PLA2G2F: variants seen among roughly 807,000 people sequenced by gnomAD.
PLA2G2F encodes phospholipase A2 group IIF.
Under a neutral mutation model 15.9 loss-of-function variants are expected in PLA2G2F, and 17 were observed. The observed-to-expected ratio is 1.07, with a 90% CI of 0.73 to 1.60. The LOEUF (loss-of-function observed/expected upper bound fraction) is 1.60, where lower values mean the gene tolerates loss of function less well. PLA2G2F is among the 40% of genes most tolerant of loss of function. PLA2G2F has a pLI of 0.00. For missense variants in PLA2G2F, 299 were observed against 278.2 expected, an observed-to-expected ratio of 1.07 and a Z score of -0.53; for synonymous variants, 119 against 106.5, an observed-to-expected ratio of 1.12 and a Z score of -0.72.
Position 20,144,632 on chromosome 1 carries a change from C to A in PLA2G2F, c.367C>A (p.His123Asn), listed in dbSNP as rs2017547075. The A allele has an allele frequency of 6.2e-7, 1 of 1,612,584 alleles. No homozygotes were observed. ...CYQELFDQGC[H>N]PYVDHYDHTI... ...CCAGGAACTCTTTGACCAAGGCTGT[C>A]ACCCCTATGTGGACCACTATGATCA... Residue 123 changes from histidine (H) to asparagine (N), a missense_variant, in exon 4 of 5, where the codon CAC (histidine) becomes AAC (asparagine). Coordinates refer to ENST00000375102, the MANE Select transcript of PLA2G2F (RefSeq NM_022819.4).
At chr1:20,143,650 C>G in intron 3 of PLA2G2F, 60 bp downstream of exon 3, 6 of 1,581,110 alleles carry the variant, frequency 3.8e-6, no homozygotes, top group South Asian at 3.4e-5. Context: ...GAAGGTCAGA[C>G]TGACCTTGCC....
At chr1:20,143,889 C>G in intron 3 of PLA2G2F, 1 of 297,464 alleles carries the variant, frequency 3.4e-6, no homozygotes, top group Non-Finnish European at 6.3e-6. Flanking sequence ...ACACAGCTGA[C>G]ACCCCACAAA....
rs1291539817 is a variant in PLA2G2F at position 20,149,504 on chromosome 1, A to G, written c.*1103A>G. ...AGTGAAGAGGGAAACGTAAGCAGGGAGAGCATCAAGGCGGGAGGCAGCCTG... is the reference window on the plus strand; with the variant it reads ...AGTGAAGAGGGAAACGTAAGCAGGGGGAGCATCAAGGCGGGAGGCAGCCTG... On this transcript the variant is annotated 3_prime_UTR_variant, in exon 5 of 5. Transcript: ENST00000375102. 1 of 152,708 alleles carries G rather than the reference A, an allele frequency of 6.5e-6. No individual in the cohort carries two copies. The highest frequency in any genetic ancestry group is 1.5e-5 in the Non-Finnish European group (1 of 68,406). The allele number at this position is 152,708 out of a possible 1,614,324, so 9.5% of individuals were successfully genotyped here. A position where few individuals can be genotyped will look rare whatever the true frequency, so the allele number is the denominator to read the frequency against.
intron 1 of PLA2G2F, 143 bp downstream of exon 1, chr1:20,139,686 G>A (rs1569890796): frequency 1.5e-6 from 1 of 652,076 alleles, no homozygotes. Context: ...CCTTCACGTG[G>A]CACTCATGTG....
chr1:20,140,381 G>C, intron 2 of PLA2G2F, 163 bp downstream of exon 2: 1 of 698,980 alleles, frequency 1.4e-6, no homozygotes, highest in Non-Finnish European at 2.3e-6. Context: ...CAATTCTGGG[G>C]CTGTTTACCC....
rs114549908 is a variant in PLA2G2F at position 20,140,019 on chromosome 1, A to G, written c.117-147A>G. On this transcript the variant is annotated intron_variant, in intron 1 of 4. Coordinates refer to ENST00000375102, the MANE Select transcript of PLA2G2F (RefSeq NM_022819.4). ...CTCCTCCAGGAGGGGCTGGGCAGGT[A>G]CTGATGACAGCGCTAGGAGCAGCAA... 1,203 of 811,948 alleles carry G rather than the reference A, an allele frequency of 1.5e-3. 13 individuals are homozygous for G. In the African/African-American group the frequency reaches 0.017, roughly 12 times the overall value. The allele number at this position is 811,948 out of a possible 1,614,324, so 50.3% of individuals were successfully genotyped here. A position where few individuals can be genotyped will look rare whatever the true frequency, so the allele number is the denominator to read the frequency against.
At chr1:20,145,872 T>G (rs2017594395) in intron 4 of PLA2G2F, among the ~76,000 whole-genome samples, 1 of 152,208 alleles carries the variant, frequency 6.6e-6, no homozygotes, top group Non-Finnish European at 1.5e-5. Context: ...CTTCCCAAAG[T>G]GCTGGGATTA....
intron 4 of PLA2G2F, among the ~76,000 whole-genome samples, chr1:20,145,145 C>T (rs564664088): frequency 3.3e-5 from 5 of 151,868 alleles, no homozygotes; most frequent in Non-Finnish European, 7.4e-5. Context: ...CTTAGCTATA[C>T]AATGAAAAAT....
At chr1:20,146,742 G>A (rs1192578157) in intron 4 of PLA2G2F, among the ~76,000 whole-genome samples, 1 of 152,192 alleles carries the variant, frequency 6.6e-6, no homozygotes, top group Non-Finnish European at 1.5e-5. Flanking sequence ...CCCCTTGGGG[G>A]CCCAGATCTC....
At chr1:20,148,105 C>A in intron 4 of PLA2G2F, 85 bp from the exon 5 acceptor site, 1 of 1,154,628 alleles carries the variant, frequency 8.7e-7, no homozygotes. Context: ...CTCTCCAAGT[C>A]TGTGTGCTCC....
intron 2 of PLA2G2F, chr1:20,142,286 A>G (rs954102091): frequency 6.6e-6 from 1 of 152,312 alleles, no homozygotes; most frequent in African/African-American, 2.4e-5. Context: ...GCTCCGCAGT[A>G]CACAAACCTG....
chr1:20,143,347 G>A (rs1199817246), intron 2 of PLA2G2F, 99 bp from the exon 3 acceptor site: 5 of 1,436,954 alleles, frequency 3.5e-6, no homozygotes, highest in South Asian at 1.3e-5. Flanking sequence ...CCTACCCTAG[G>A]TATTGGGAGG....
rs2017715360 is a variant in PLA2G2F at position 20,150,359 on chromosome 1, T to C, written c.*1958T>C. Reference sequence around the variant, plus strand: ...CAGGACTCGGCTTCCTCTCCTCAAATGAATAAAGGCCTCCTACCTCAACTC... The same window carrying C: ...CAGGACTCGGCTTCCTCTCCTCAAACGAATAAAGGCCTCCTACCTCAACTC... On this transcript the variant is annotated 3_prime_UTR_variant, in exon 5 of 5. Transcript: ENST00000375102. The C allele has an allele frequency of 6.6e-6, 1 of 152,284 alleles. No individual in the cohort carries two copies. The highest frequency in any genetic ancestry group is 2.4e-5 in the African/African-American group (1 of 41,450). 9.4% of individuals were successfully genotyped at this position (152,284 alleles called of 1,614,324 possible).
At position 20,140,216 on chromosome 1, in the gene PLA2G2F, G is replaced by A. The variant is rs1447131275; in HGVS notation, c.167G>A (p.Ser56Asn). The change falls in exon 2 of 5, where the codon AGC becomes AAC. Residue 56 changes from serine to asparagine, a missense_variant and splice_region_variant. Physicochemically the swap from Ser to Asn is conservative, Grantham distance 46 (BLOSUM62 1). Transcript: ENST00000375102. ...KFFTVAILAG[S>N]VLSTAHGSLL... ...TTCACCGTGGCCATCCTTGCTGGCAGCGGTGAGTAAAGACTCCAGAGGGCT... is the reference window on the plus strand; with the variant it reads ...TTCACCGTGGCCATCCTTGCTGGCAACGGTGAGTAAAGACTCCAGAGGGCT... 1 of 1,613,814 alleles carries A rather than the reference G, an allele frequency of 6.2e-7. No individual in the cohort carries two copies.
Position 20,143,406 on chromosome 1 carries a change from C to A in PLA2G2F, c.170-40C>A, listed in dbSNP as rs752795527. On this transcript the variant is annotated intron_variant, in intron 2 of 4. Transcript: ENST00000375102. ...TGAGAGAGGCTGGGAGCGGCCAGCC[C>A]CGGGGCAGGGGCTCAGAGCACCCCC... 4.4e-6 allele frequency: 7 copies of A among 1,601,774 alleles called. No individual in the cohort carries two copies. The South Asian group carries it at 7.8e-5, about 18-fold the overall frequency.
intron 2 of PLA2G2F, chr1:20,143,225 C>A: frequency 1.9e-6 from 1 of 531,796 alleles, no homozygotes. Flanking sequence ...CTCAGGGCCG[C>A]AGGGATGTGG....
rs1009375011 is a variant in PLA2G2F at position 20,146,526 on chromosome 1, C to T, written c.425-1664C>T. 1.3e-4 allele frequency among the ~76,000 whole-genome samples: 20 copies of T among 152,226 alleles called. 1 individual carries two copies. Among genetic ancestry groups the T allele is most frequent in the Non-Finnish European group, 2.9e-5 (2 of 68,034 alleles). On this transcript the variant is annotated intron_variant, in intron 4 of 4. Coordinates refer to ENST00000375102, the MANE Select transcript of PLA2G2F (RefSeq NM_022819.4). ...GTAGCAGCGCCCAGGTGTCCCTGCCCTGCCCTACTCTGTGCTCCTCTCTGG... is the reference window on the plus strand; with the variant it reads ...GTAGCAGCGCCCAGGTGTCCCTGCCTTGCCCTACTCTGTGCTCCTCTCTGG...
chr1:20,139,351 G>T lies in PLA2G2F; in HGVS notation c.-77G>T, dbSNP rs1232233827. The T allele has an allele frequency of 8.8e-7, 1 of 1,133,720 alleles. No individual in the cohort carries two copies. Among genetic ancestry groups the T allele is most frequent in the East Asian group, 2.6e-5 (1 of 38,850 alleles). The allele number at this position is 1,133,720 out of a possible 1,614,324, so 70.2% of individuals were successfully genotyped here. On this transcript the variant is annotated 5_prime_UTR_variant, in exon 1 of 5. Coordinates refer to ENST00000375102, the MANE Select transcript of PLA2G2F (RefSeq NM_022819.4). ...AGTGTGCGAGGCAGCGTGAAGCTGG[G>T]GCCTGCTCCCCGCAGCCTCTGGAGC...
At chr1:20,143,794 G>GC in intron 3 of PLA2G2F, 1 of 621,088 alleles carries the variant, frequency 1.6e-6, no homozygotes. Context: ...CATCTCCAAG[G>GC]CCATGGGCTT....
Sources: allele counts gnomAD v4.1 joint callset (sites outside exome capture counted in the v4.1 genomes callset), GRCh38; gene constraint gnomAD v4.1.1; transcripts MANE v1.5; gene names NCBI Gene and HGNC (gene_info 2026-07-23, HGNC 2026-07-21).